Variants in TRMT11 observed in about 807,000 individuals in gnomAD.
TRMT11 encodes tRNA methyltransferase 11.
In TRMT11, 53 loss-of-function variants were observed where a neutral mutation model predicts 62.8. The ratio of observed to expected loss-of-function variants is 0.84; its 90% confidence interval spans 0.68 to 1.06. TRMT11 has a LOEUF of 1.06. Among genes scored for constraint, TRMT11 ranks in the 50% least tolerant of loss-of-function variants. The pLI is 0.00. For synonymous variants in TRMT11, 188 were observed against 190.3 expected (o/e 0.99, Z 0.10); for missense variants, 556 against 553.4 (o/e 1.00, Z -0.05).
chr6:126,269,714 T>C, the TRMT11 span, among the ~76,000 whole-genome samples: 2 of 152,212 alleles, frequency 1.3e-5, no homozygotes, highest in African/African-American at 2.4e-5. Context: ...AATACAGTTG[T>C]CAAATAAGAA....
At chr6:126,230,466 T>G in the TRMT11 span, among the ~76,000 whole-genome samples, 1 of 152,192 alleles carries the variant, frequency 6.6e-6, no homozygotes. Flanking sequence ...CTTAAGTTCT[T>G]GGTATCAAGT....
At chr6:126,048,997 G>A (rs148626795) in intron 16 of TRMT11, among the ~76,000 whole-genome samples, 55 of 152,288 alleles carry the variant, frequency 3.6e-4, no homozygotes, top group African/African-American at 1.2e-3. Context: ...ACAATGATAC[G>A]CCTTTTATTG....
At chr6:126,223,224 A>G in the TRMT11 span, among the ~76,000 whole-genome samples, 1 of 152,106 alleles carries the variant, frequency 6.6e-6, no homozygotes, top group Non-Finnish European at 1.5e-5. Flanking sequence ...GATTGATACC[A>G]TCTTGGCTAA....
chr6:126,264,097 T>A, the TRMT11 span, among the ~76,000 whole-genome samples: 1 of 152,130 alleles, frequency 6.6e-6, no homozygotes, highest in Non-Finnish European at 1.5e-5. Context: ...CGTGCCTAGG[T>A]GTGGTTTTAG....
chr6:126,076,800 G>T (rs1381787263), intron 17 of TRMT11, among the ~76,000 whole-genome samples: 1 of 151,900 alleles, frequency 6.6e-6, no homozygotes, highest in Non-Finnish European at 1.5e-5. Context: ...TTTTTAATTA[G>T]CAGTCAGCTA....
intron 16 of TRMT11, among the ~76,000 whole-genome samples, chr6:126,047,700 A>G (rs541775638): frequency 6.6e-6 from 1 of 152,302 alleles, no homozygotes; most frequent in African/African-American, 2.4e-5. Flanking sequence ...CCTAGATGCT[A>G]CCGTGGGGCT....
At chr6:126,106,936 C>CAAAA (rs59224462) in intron 17 of TRMT11, among the ~76,000 whole-genome samples, 3 of 94,238 alleles carry the variant, frequency 3.2e-5, no homozygotes, top group Non-Finnish European at 7.5e-5. Context: ...CTCTCTCTCT[C>CAAAA]AAAAAAAAAA....
At chr6:126,060,881 A>G (rs1202850228) in intron 17 of TRMT11, among the ~76,000 whole-genome samples, 1 of 152,248 alleles carries the variant, frequency 6.6e-6, no homozygotes, top group Non-Finnish European at 1.5e-5. Flanking sequence ...GAACAAATGC[A>G]TTGTTTATGT....
chr6:126,270,985 T>G, the TRMT11 span, among the ~76,000 whole-genome samples: 2 of 152,186 alleles, frequency 1.3e-5, no homozygotes, highest in Non-Finnish European at 2.9e-5. Flanking sequence ...AGCAAGTATT[T>G]GTGAAGTATA....
At chr6:125,995,356 G>C (rs1379593677) in intron 2 of TRMT11, among the ~76,000 whole-genome samples, 3 of 152,164 alleles carry the variant, frequency 2.0e-5, no homozygotes, top group Admixed American at 1.3e-4. Flanking sequence ...TCTGGCAAGA[G>C]GTTATCTGGC....
chr6:126,096,499 A>C (rs1777341007), intron 17 of TRMT11, among the ~76,000 whole-genome samples: 2 of 152,018 alleles, frequency 1.3e-5, no homozygotes, highest in Non-Finnish European at 2.9e-5. Context: ...CATTGCTTAC[A>C]TCATTAGGTC....
intron 1 of TRMT11, among the ~76,000 whole-genome samples, chr6:125,993,262 T>G (rs1440120399): frequency 6.6e-6 from 1 of 152,242 alleles, no homozygotes; most frequent in Non-Finnish European, 1.5e-5. Flanking sequence ...CAACTTTGCA[T>G]GAATGATGCT....
chr6:126,102,935 T>C (rs1248755685), intron 17 of TRMT11, among the ~76,000 whole-genome samples: 1 of 152,216 alleles, frequency 6.6e-6, no homozygotes, highest in African/African-American at 2.4e-5. Context: ...TTTGCCAAAG[T>C]CATATAATTG....
chr6:126,013,074 T>G lies in TRMT11; in HGVS notation c.1112T>G (p.Val371Gly). 6.2e-7 allele frequency: 1 copy of G among 1,613,886 alleles called. No individual in the cohort carries two copies. The highest frequency in any genetic ancestry group is 8.5e-7 in the Non-Finnish European group (1 of 1,179,896). ...ACCCTCGTTTTAGGTGGAAGACTAGTCTATTGGTTACCGGTGTATACGCCA... is the reference window on the plus strand; with the variant it reads ...ACCCTCGTTTTAGGTGGAAGACTAGGCTATTGGTTACCGGTGTATACGCCA... ...AETLVLGGRL[V>G]YWLPVYTPEY... The change falls in exon 11 of 13, where the codon GTC (valine) becomes GGC (glycine). Residue 371 changes from valine (V) to glycine (G), a missense_variant. Physicochemically the swap from Val to Gly is moderately radical, Grantham distance 109. Coordinates refer to ENST00000334379, the MANE Select transcript of TRMT11 (RefSeq NM_001031712.3).
chr6:125,995,840 A>C, intron 2 of TRMT11, 127 bp from the exon 3 acceptor site: 1 of 650,042 alleles, frequency 1.5e-6, no homozygotes, highest in Non-Finnish European at 2.7e-6. Flanking sequence ...TATTTTGGTT[A>C]CAGTCAGATC....
chr6:125,999,595 G>T lies in TRMT11; in HGVS notation c.661G>T (p.Asp221Tyr). 3 of 1,610,152 alleles carry T rather than the reference G, an allele frequency of 1.9e-6. No individual in the cohort carries two copies. In the South Asian group the frequency reaches 3.3e-5, roughly 18 times the overall value. Residue 221 changes from aspartate (D) to tyrosine (Y), a missense_variant, in exon 7 of 13, where the codon GAT becomes TAT. By Grantham distance (160) the Asp-to-Tyr change is radical (BLOSUM62 -3). Coordinates refer to ENST00000334379, the MANE Select transcript of TRMT11 (RefSeq NM_001031712.3). ...GKVKENDIVF[D>Y]PFVGTGGLLI... The stretch of plus-strand genomic sequence containing the variant: ...AGTGAAAGAAAATGATATTGTCTTT[G>T]ATCCATTTGTTGGAACAGGTATTTT...
chr6:126,098,568 AG>A, intron 17 of TRMT11, among the ~76,000 whole-genome samples: 1 of 152,288 alleles, frequency 6.6e-6, no homozygotes, highest in East Asian at 1.9e-4. Flanking sequence ...TCCTCTCCCC[AG>A]CAGCAATTCT....
At chr6:126,215,844 A>C in the TRMT11 span, among the ~76,000 whole-genome samples, 1 of 152,130 alleles carries the variant, frequency 6.6e-6, no homozygotes, top group South Asian at 2.1e-4. Context: ...TGCACAAACA[A>C]ACCGACAAGC....
the TRMT11 span, among the ~76,000 whole-genome samples, chr6:126,249,234 C>T: frequency 6.6e-6 from 1 of 152,062 alleles, no homozygotes; most frequent in Non-Finnish European, 1.5e-5. Context: ...TATCATAAAA[C>T]ATATGATTAA....
Sources: gnomAD v4.1 joint callset for allele counts (sites outside exome capture counted in the v4.1 genomes callset) on GRCh38, gnomAD v4.1.1 for gene constraint, MANE v1.5 for transcripts, NCBI Gene and HGNC (gene_info 2026-07-23, HGNC 2026-07-21) for gene names.